The following MCF2L variants were observed in gnomAD, a reference collection of about 807,000 sequenced individuals.
The protein encoded by MCF2L is guanine nucleotide exchange factor DBS.
In MCF2L, 97 loss-of-function variants were observed where a neutral mutation model predicts 153.4. That is an observed-to-expected ratio of 0.63 (90% CI 0.54 to 0.75). MCF2L has a LOEUF of 0.75. Among genes scored for constraint, MCF2L ranks in the 30% least tolerant of loss-of-function variants. The pLI, the probability that MCF2L is intolerant of heterozygous loss-of-function variation, is 0.00. For missense variants in MCF2L, 1,347 were observed against 1,495.2 expected (o/e 0.90, Z 1.64); for synonymous variants, 659 against 632.2 (o/e 1.04, Z -0.64).
chr13:113,045,598 A>G lies in MCF2L; in HGVS notation c.369+237A>G. The G allele has an allele frequency of 1.7e-6, 1 of 574,934 alleles. No individual in the cohort carries two copies. The highest frequency in any genetic ancestry group is 3.1e-6 in the Non-Finnish European group (1 of 320,394). 35.6% of individuals were successfully genotyped at this position (574,934 alleles called of 1,614,324 possible). On this transcript the variant is annotated intron_variant, in intron 4 of 29. Transcript: ENST00000535094. The surrounding 1 kb of genome is among the most constrained non-coding windows in gnomAD (Gnocchi z 4.2). ...TCTTAGGGAGCCCAATGTGACTTGC[A>G]AACAATTTCCCCAGGCAGAGCAGCC...
chr13:113,000,747 C>G (rs886543931), intron 1 of MCF2L, among the ~76,000 whole-genome samples: 1 of 152,242 alleles, frequency 6.6e-6, no homozygotes, highest in Non-Finnish European at 1.5e-5. Flanking sequence ...GGAGGGCTGG[C>G]TGTGCTGTGC....
Position 112,953,083 on chromosome 13 carries a change from C to G in MCF2L, c.169+50712C>G, listed in dbSNP as rs116701067. Among the ~76,000 whole-genome samples, 1,003 of 152,332 alleles carry G rather than the reference C, an allele frequency of 6.6e-3. 8 individuals carry two copies. Among genetic ancestry groups the G allele is most frequent in the African/African-American group, 0.023 (968 of 41,570 alleles). ...GGCCTGGACTTGGGCCCCACTCCTCCTGGAGAGAGTGAAATGGAATGGCCT... is the reference window on the plus strand; with the variant it reads ...GGCCTGGACTTGGGCCCCACTCCTCGTGGAGAGAGTGAAATGGAATGGCCT... On this transcript the variant is annotated intron_variant, in intron 2 of 29. Transcript: ENST00000375608.
chr13:113,082,870 C>T (rs1440871255), intron 17 of MCF2L, among the ~76,000 whole-genome samples: 1 of 152,212 alleles, frequency 6.6e-6, no homozygotes, highest in East Asian at 1.9e-4. Context: ...CCTCCTCATC[C>T]TGCTGGGCAG....
chr13:113,029,390 A>G (rs752162855), intron 3 of MCF2L, among the ~76,000 whole-genome samples: 6 of 152,224 alleles, frequency 3.9e-5, no homozygotes, highest in Admixed American at 1.3e-4. Flanking sequence ...TCTTCTTCCT[A>G]AGGGCATCTA....
At chr13:112,918,918 T>A (rs556379180) in intron 2 of MCF2L, among the ~76,000 whole-genome samples, 1 of 152,218 alleles carries the variant, frequency 6.6e-6, no homozygotes, top group African/African-American at 2.4e-5. Context: ...ATCCTCCGTG[T>A]CCCCACCTGT....
chr13:113,088,188 C>T, intron 23 of MCF2L, 139 bp from the exon 24 acceptor site: 2 of 791,814 alleles, frequency 2.5e-6, no homozygotes, highest in Non-Finnish European at 4.4e-6. Context: ...ACCCACAGTG[C>T]TTTCCTCCTC....
rs1267415925 is a variant in MCF2L, at chr13:113,077,223, C to T, written c.1660+12C>T. 10 of 1,539,358 alleles carry T rather than the reference C, an allele frequency of 6.5e-6. No homozygotes were observed. The highest frequency in any genetic ancestry group is 1.8e-4 in the Middle Eastern group (1 of 5,466). ...CTGCCCCTCCCCAGGTCTGTGTGGC[C>T]GCCCGGTGCCCCGGGTGCTGTGGGA... On this transcript the variant is annotated intron_variant, in intron 13 of 29. Coordinates refer to ENST00000535094, the MANE Select transcript of MCF2L (RefSeq NM_001112732.3).
Position 113,096,571 on chromosome 13 carries a change from T to G in MCF2L, c.3210T>G (p.Thr1070=). The G allele has an allele frequency of 6.2e-7, 1 of 1,604,738 alleles. No homozygotes were observed. The highest frequency in any genetic ancestry group is 8.5e-7 in the Non-Finnish European group (1 of 1,178,256). The change falls in exon 29 of 30, where the codon ACT becomes ACG. Residue 1070 remains threonine (T), a synonymous_variant. Coordinates refer to ENST00000535094, the MANE Select transcript of MCF2L (RefSeq NM_001112732.3). Reference sequence around the variant, plus strand: ...GCAGGTACGTCAGGGACCCGACCACTGGCAAGGAGGGCTGGGTGCCGGCCA... The same window carrying G: ...GCAGGTACGTCAGGGACCCGACCACGGGCAAGGAGGGCTGGGTGCCGGCCA... The part of the protein sequence containing the change: ...EGLWYVRDPT[T]GKEGWVPASS...
At chr13:113,078,518 C>G (rs576309163) in intron 14 of MCF2L, 82 bp downstream of exon 14, 255 of 1,401,676 alleles carry the variant, frequency 1.8e-4, no homozygotes, top group Middle Eastern at 5.3e-4. Context: ...GTGGCCCCCC[C>G]TCCCGGGCAC....
At chr13:112,976,944 G>C (rs2082235786) in intron 1 of MCF2L, among the ~76,000 whole-genome samples, 1 of 152,152 alleles carries the variant, frequency 6.6e-6, no homozygotes, top group Non-Finnish European at 1.5e-5. Flanking sequence ...GCATGGGGGA[G>C]TCATCGGTTT....
intron 2 of MCF2L, chr13:112,910,482 T>A (rs1041317446): frequency 1.3e-5 from 2 of 152,252 alleles, no homozygotes; most frequent in African/African-American, 4.8e-5. Context: ...TAATTCTCCC[T>A]GGCACATCTT....
intron 1 of MCF2L, among the ~76,000 whole-genome samples, chr13:113,003,769 C>T (rs918665675): frequency 6.6e-6 from 1 of 152,170 alleles, no homozygotes; most frequent in African/African-American, 2.4e-5. Context: ...CCAGGGTCAG[C>T]CAGGCCTGTG....
rs2082956798 is a variant in MCF2L, at chr13:112,993,107, G to T, written c.80-21656G>T. On this transcript the variant is annotated intron_variant, in intron 1 of 29. Transcript: ENST00000535094. The surrounding 1 kb of genome is among the most constrained non-coding windows in gnomAD (Gnocchi z 4.6). ...GCAGTAAGGTGGCTTTTAAGCCAGA[G>T]ATTACCACGCGCTGCCGCGGAGGGA... Among the ~76,000 whole-genome samples the T allele has an allele frequency of 6.6e-6, 1 of 152,250 alleles. No individual in the cohort carries two copies. The highest frequency in any genetic ancestry group is 1.5e-5 in the Non-Finnish European group (1 of 68,048).
At chr13:113,078,603 C>T in intron 14 of MCF2L, 63 bp from the exon 15 acceptor site, 5 of 1,504,544 alleles carry the variant, frequency 3.3e-6, no homozygotes, top group Non-Finnish European at 2.7e-6. Flanking sequence ...GGGCTCTGGC[C>T]TTGAGAGTTG....
In MCF2L at chr13:113,096,869, G is replaced by T; in HGVS notation, c.*10G>T. 1 of 1,414,148 alleles carries T rather than the reference G, an allele frequency of 7.1e-7. No individual in the cohort carries two copies. The highest frequency in any genetic ancestry group is 2.9e-5 in the East Asian group (1 of 34,344). The allele number at this position is 1,414,148 out of a possible 1,614,324, so 87.6% of individuals were successfully genotyped here. A position where few individuals can be genotyped will look rare whatever the true frequency, so the allele number is the denominator to read the frequency against. ...CGACCTGCAGGGGTAGCGCGGCCTC[G>T]GCGCCGGAGACCCGCGCGCTGTCTG... is the stretch of plus-strand genomic sequence containing the variant. On this transcript the variant is annotated 3_prime_UTR_variant, in exon 30 of 30. Coordinates refer to ENST00000535094, the MANE Select transcript of MCF2L (RefSeq NM_001112732.3).
intron 4 of MCF2L, among the ~76,000 whole-genome samples, chr13:113,059,866 A>C (rs967605512): frequency 2.6e-5 from 4 of 152,200 alleles, no homozygotes; most frequent in Non-Finnish European, 4.4e-5. Context: ...GATTATTTTT[A>C]TTTTTGTAGG....
Position 113,027,285 on chromosome 13 carries a change from A to G in MCF2L, c.278+2527A>G, listed in dbSNP as rs1594738615. 6.6e-6 allele frequency among the ~76,000 whole-genome samples: 1 copy of G among 152,138 alleles called. No individual in the cohort carries two copies. Among genetic ancestry groups the G allele is most frequent in the African/African-American group, 2.4e-5 (1 of 41,512 alleles). On this transcript the variant is annotated intron_variant, in intron 3 of 29. Transcript: ENST00000535094. The surrounding 1 kb of genome is among the most constrained non-coding windows in gnomAD (Gnocchi z 4.8). ...ATCCCCTGATAAATATCACATAACCACCAGCTGGCAGCAGCCAGCCTCTGC... is the reference window on the plus strand; with the variant it reads ...ATCCCCTGATAAATATCACATAACCGCCAGCTGGCAGCAGCCAGCCTCTGC...
intron 1 of MCF2L, among the ~76,000 whole-genome samples, chr13:113,011,791 A>G (rs1269267822): frequency 2.3e-4 from 23 of 102,216 alleles, no homozygotes; most frequent in African/African-American, 8.7e-4. Context: ...GGACACTGTG[A>G]TGCGGACGGT....
chr13:112,977,228 A>G (rs1392692531), intron 1 of MCF2L, among the ~76,000 whole-genome samples: 1 of 152,196 alleles, frequency 6.6e-6, no homozygotes, highest in African/African-American at 2.4e-5. Flanking sequence ...TTGGGGCCAC[A>G]TTGTATAAAA....
Sources: allele counts gnomAD v4.1 joint callset (sites outside exome capture counted in the v4.1 genomes callset), GRCh38; gene constraint gnomAD v4.1.1; non-coding constraint Gnocchi (gnomAD v3.1); transcripts MANE v1.5; gene names NCBI Gene and HGNC (gene_info 2026-07-23, HGNC 2026-07-21).